The following BRSK1 variants were observed in gnomAD, a reference collection of about 807,000 sequenced individuals.
BRSK1 encodes the protein serine/threonine-protein kinase BRSK1.
BRSK1 carries 17 observed loss-of-function variants against 86.2 expected under a neutral mutation model. The observed-to-expected ratio is 0.20, with a 90% CI of 0.14 to 0.30. The LOEUF (loss-of-function observed/expected upper bound fraction) is 0.30. Ranked by LOEUF, BRSK1 falls within the 10% of genes least tolerant of loss-of-function variation. The probability of loss-of-function intolerance (pLI) is 1.00; values close to 1 mark genes in which losing one functional copy is unlikely to be tolerated. For synonymous variants in BRSK1, 464 were observed against 440.1 expected (o/e 1.05, Z -0.68); for missense variants, 719 against 1,071.9 (o/e 0.67, Z 4.60).
At chr19:55,293,223 C>T (rs908044278) in intron 4 of BRSK1, among the ~76,000 whole-genome samples, 1 of 151,906 alleles carries the variant, frequency 6.6e-6, no homozygotes, top group African/African-American at 2.4e-5. Context: ...AGGCCTGGCG[C>T]GGTGGCTCAT....
Position 55,302,293 on chromosome 19 carries a change from C to A in BRSK1, c.857+125C>A. ...AGAGGCAACGGGCTAGGGACTCGGACTTATGGGTCCTGGGGGAAGAGGACA... is the reference window on the plus strand; with the variant it reads ...AGAGGCAACGGGCTAGGGACTCGGAATTATGGGTCCTGGGGGAAGAGGACA... On this transcript the variant is annotated intron_variant, in intron 9 of 18. Transcript: ENST00000309383. The surrounding 1 kb of genome is among the most constrained non-coding windows in gnomAD (Gnocchi z 6.3). 2 of 1,088,954 alleles carry A rather than the reference C, an allele frequency of 1.8e-6. No individual in the cohort carries two copies. Among genetic ancestry groups the A allele is most frequent in the Non-Finnish European group, 2.8e-6 (2 of 705,604 alleles). The allele number at this position is 1,088,954 out of a possible 1,614,324, so 67.5% of individuals were successfully genotyped here.
In BRSK1 at chr19:55,303,839, G is replaced by T. The variant is rs939407926; in HGVS notation, c.1286+13G>T. Reference sequence around the variant, plus strand: ...AGCACAGCCAGAGGTGGGAGCCCCTGTCCCTCCAGGAGGATCCACAATCCC... The same window carrying T: ...AGCACAGCCAGAGGTGGGAGCCCCTTTCCCTCCAGGAGGATCCACAATCCC... On this transcript the variant is annotated intron_variant, in intron 12 of 18. Coordinates refer to ENST00000309383, the MANE Select transcript of BRSK1 (RefSeq NM_032430.2). This position sits in a 1 kb window ranked among gnomAD's most constrained non-coding sequence, Gnocchi z 5.1. The T allele has an allele frequency of 1.3e-6, 2 of 1,557,694 alleles. No homozygotes were observed. The highest frequency in any genetic ancestry group is 2.7e-5 in the African/African-American group (2 of 73,162).
Position 55,304,790 on chromosome 19 carries a change from C to A in BRSK1, c.1587C>A (p.Thr529=). 1.3e-6 allele frequency: 2 copies of A among 1,563,848 alleles called. No individual in the cohort carries two copies. Among genetic ancestry groups the A allele is most frequent in the Non-Finnish European group, 1.7e-6 (2 of 1,158,894 alleles). Residue 529 remains threonine, a synonymous_variant, in exon 14 of 19, where the codon ACC becomes ACA. Transcript: ENST00000309383. The surrounding 1 kb of genome is among the most constrained non-coding windows in gnomAD (Gnocchi z 5.2). ...TGCACACGCCCCGGGCCAGTCCCAC[C>A]GGGACCCCGGGGACAACACCACCCC... ...SPLHTPRASP[T]GTPGTTPPPS... is the part of the protein sequence containing the mutation.
At position 55,304,888 on chromosome 19, in the gene BRSK1, G is replaced by A; in HGVS notation, c.1685G>A (p.Gly562Asp). 6.2e-7 allele frequency: 1 copy of A among 1,609,318 alleles called. No homozygotes were observed. Reference protein sequence around the residue: ...RLNSIRNSFLGSPRFHRRKMQ... With the variant: ...RLNSIRNSFLDSPRFHRRKMQ... Reference sequence around the variant, plus strand: ...AACTCCATCCGCAACAGCTTCCTGGGCTCCCCTCGCTTTCACCGGCGCAAG... The same window carrying A: ...AACTCCATCCGCAACAGCTTCCTGGACTCCCCTCGCTTTCACCGGCGCAAG... Residue 562 changes from glycine to aspartate, a missense_variant, in exon 14 of 19, where the codon GGC becomes GAC. Physicochemically the swap from Gly to Asp is moderately conservative, Grantham distance 94 (BLOSUM62 -1). This residue lies in a region of BRSK1 where 180 missense variants were observed against 259.4 expected (regional missense o/e 0.69). Transcript: ENST00000309383. The surrounding 1 kb of genome is among the most constrained non-coding windows in gnomAD (Gnocchi z 5.2).
At chr19:55,305,097 C>A (rs778268441) in intron 14 of BRSK1, among the ~76,000 whole-genome samples, 177 bp downstream of exon 14, 7 of 152,058 alleles carry the variant, frequency 4.6e-5, no homozygotes, top group Non-Finnish European at 8.8e-5. Flanking sequence ...AGAGGTGGGG[C>A]CTCTAGCTCT....
chr19:55,287,377 G>T lies in BRSK1; in HGVS notation c.317+78G>T, dbSNP rs776545069. The T allele has an allele frequency of 5.7e-6, 8 of 1,393,000 alleles. No homozygotes were observed. Among genetic ancestry groups the T allele is most frequent in the Middle Eastern group, 1.8e-4 (1 of 5,658 alleles). The allele number at this position is 1,393,000 out of a possible 1,614,324, so 86.3% of individuals were successfully genotyped here. ...AGGGTGGGACTTCTCCAGAAACAGG[G>T]CCTAGGGGGACCTGGGGGACCTGCA... On this transcript the variant is annotated intron_variant, in intron 3 of 18. Transcript: ENST00000309383. The surrounding 1 kb of genome is among the most constrained non-coding windows in gnomAD (Gnocchi z 5.3).
Position 55,302,520 on chromosome 19 carries a change from T to A in BRSK1, c.858-177T>A, listed in dbSNP as rs2088587041. On this transcript the variant is annotated intron_variant, in intron 9 of 18. Coordinates refer to ENST00000309383, the MANE Select transcript of BRSK1 (RefSeq NM_032430.2). The surrounding 1 kb of genome is among the most constrained non-coding windows in gnomAD (Gnocchi z 6.3). ...GGTCGGAGGGAAAAGGGGCTGGAGGTCTGGACTCCTGGGTCTGAGATGGGG... is the reference window on the plus strand; with the variant it reads ...GGTCGGAGGGAAAAGGGGCTGGAGGACTGGACTCCTGGGTCTGAGATGGGG... 14 of 781,954 alleles carry A rather than the reference T, an allele frequency of 1.8e-5. No individual in the cohort carries two copies. In the South Asian group the frequency reaches 2.2e-4, roughly 12 times the overall value. The allele number at this position is 781,954 out of a possible 1,614,324, so 48.4% of individuals were successfully genotyped here. A position where few individuals can be genotyped will look rare whatever the true frequency, so the allele number is the denominator to read the frequency against.
chr19:55,307,816 C>T (rs1409954762), intron 17 of BRSK1, among the ~76,000 whole-genome samples: 1 of 145,404 alleles, frequency 6.9e-6, no homozygotes, highest in Non-Finnish European at 1.5e-5. Context: ...AAGCCCAGCA[C>T]GGTGGCATGC....
chr19:55,291,905 C>T (rs2088412277), intron 4 of BRSK1, among the ~76,000 whole-genome samples: 1 of 152,126 alleles, frequency 6.6e-6, no homozygotes, highest in Non-Finnish European at 1.5e-5. Context: ...ACTACAGGCA[C>T]CCGCCACCAT....
intron 7 of BRSK1, among the ~76,000 whole-genome samples, chr19:55,298,113 C>T (rs1162514519): frequency 6.6e-6 from 1 of 152,010 alleles, no homozygotes; most frequent in Non-Finnish European, 1.5e-5. Context: ...CTTCCCCCAG[C>T]CCACTGTGAG....
At position 55,284,086 on chromosome 19, in the gene BRSK1, G is replaced by T. The variant is rs1245630738; in HGVS notation, c.-357G>T. On this transcript the variant is annotated 5_prime_UTR_variant, in exon 1 of 19. Coordinates refer to ENST00000309383, the MANE Select transcript of BRSK1 (RefSeq NM_032430.2). The stretch of plus-strand genomic sequence containing the variant: ...GAGGCGGAGGAGAGAGGGCGCGTGG[G>T]GGGGCGGGGGGGACCTCGGCCTGCA... The T allele has an allele frequency of 3.9e-6, 3 of 770,306 alleles. No individual in the cohort carries two copies. Among genetic ancestry groups the T allele is most frequent in the South Asian group, 6.4e-5 (1 of 15,608 alleles). The allele number at this position is 770,306 out of a possible 1,614,324, so 47.7% of individuals were successfully genotyped here.
chr19:55,304,176 G>A lies in BRSK1; in HGVS notation c.1347+66G>A, dbSNP rs1398288051. The stretch of plus-strand genomic sequence containing the variant: ...GGTGGAGACATGGAGCAAAGATTGA[G>A]TAGCAGAAACTACAATTCCTGTGCA... On this transcript the variant is annotated intron_variant, in intron 13 of 18. Coordinates refer to ENST00000309383, the MANE Select transcript of BRSK1 (RefSeq NM_032430.2). This position sits in a 1 kb window ranked among gnomAD's most constrained non-coding sequence, Gnocchi z 5.2. 6.8e-7 allele frequency: 1 copy of A among 1,477,912 alleles called. No homozygotes were observed. The highest frequency in any genetic ancestry group is 9.3e-7 in the Non-Finnish European group (1 of 1,080,004). The allele number at this position is 1,477,912 out of a possible 1,614,324, so 91.5% of individuals were successfully genotyped here. A position where few individuals can be genotyped will look rare whatever the true frequency, so the allele number is the denominator to read the frequency against.
intron 4 of BRSK1, among the ~76,000 whole-genome samples, chr19:55,290,373 T>C (rs916870383): frequency 2.6e-5 from 4 of 152,196 alleles, no homozygotes; most frequent in African/African-American, 7.2e-5. Flanking sequence ...CAATTTTTTA[T>C]TCTAGGAACA....
Position 55,312,072 on chromosome 19 carries a change from C to A in BRSK1, c.*4C>A, listed in dbSNP as rs1319682553. ...CAACGGGACCCCTCTGCCCTGACCC[C>A]ACGGGGCCGGGGAGGGAGGGGACCC... On this transcript the variant is annotated 3_prime_UTR_variant, in exon 19 of 19. Transcript: ENST00000309383. 6.4e-6 allele frequency: 9 copies of A among 1,416,224 alleles called. No homozygotes were observed. Among genetic ancestry groups the A allele is most frequent in the Non-Finnish European group, 7.4e-6 (8 of 1,081,300 alleles). 87.7% of individuals were successfully genotyped at this position (1,416,224 alleles called of 1,614,324 possible). A position where few individuals can be genotyped will look rare whatever the true frequency, so the allele number is the denominator to read the frequency against.
chr19:55,304,018 A>ATT lies in BRSK1; in HGVS notation c.1287-21_1287-20dup, dbSNP rs5828618. On this transcript the variant is annotated intron_variant, in intron 12 of 18. Coordinates refer to ENST00000309383, the MANE Select transcript of BRSK1 (RefSeq NM_032430.2). This position sits in a 1 kb window ranked among gnomAD's most constrained non-coding sequence, Gnocchi z 5.2. ...GTGGTTTTTGAAACCCTCCCATCTG[A>ATT]TTTTTTTTTTTTAAATCTATCCTGG... 5.0e-4 allele frequency: 616 copies of ATT among 1,228,018 alleles called. No individual in the cohort carries two copies. The African/African-American group carries it at 5.6e-3, about 11-fold the overall frequency. 76.1% of individuals were successfully genotyped at this position (1,228,018 alleles called of 1,614,324 possible). A position where few individuals can be genotyped will look rare whatever the true frequency, so the allele number is the denominator to read the frequency against.
intron 7 of BRSK1, 52 bp from the exon 8 acceptor site, chr19:55,301,460 T>C: frequency 2.5e-6 from 4 of 1,585,046 alleles, no homozygotes; most frequent in Non-Finnish European, 2.6e-6. Flanking sequence ...CTCCAGTGCT[T>C]GTGGTGAGGG....
rs762075767 is a variant in BRSK1, at chr19:55,304,940, C to A, written c.1717+20C>A. 6 of 1,602,868 alleles carry A rather than the reference C, an allele frequency of 3.7e-6. No homozygotes were observed. The African/African-American group carries it at 4.0e-5, about 11-fold the overall frequency. On this transcript the variant is annotated intron_variant, in intron 14 of 18. Coordinates refer to ENST00000309383, the MANE Select transcript of BRSK1 (RefSeq NM_032430.2). This position sits in a 1 kb window ranked among gnomAD's most constrained non-coding sequence, Gnocchi z 5.2. Reference sequence around the variant, plus strand: ...TGCAGGGTATGGGGGCATGAACTGCCGAGTCCTAATGTGGGGAGAGGTTGG... The same window carrying A: ...TGCAGGGTATGGGGGCATGAACTGCAGAGTCCTAATGTGGGGAGAGGTTGG...
In BRSK1 at chr19:55,285,113, C is replaced by T. The variant is rs77820003; in HGVS notation, c.136+535C>T. 8.7e-3 allele frequency among the ~76,000 whole-genome samples: 938 copies of T among 108,418 alleles called. 5 individuals are homozygous for T. The highest frequency in any genetic ancestry group is 0.014 in the Non-Finnish European group (730 of 53,496). The allele number at this position is 108,418 out of a possible 152,430, so 71.1% of individuals were successfully genotyped here. A position where few individuals can be genotyped will look rare whatever the true frequency, so the allele number is the denominator to read the frequency against. On this transcript the variant is annotated intron_variant, in intron 1 of 18. Coordinates refer to ENST00000309383, the MANE Select transcript of BRSK1 (RefSeq NM_032430.2). ...TTTGGGTTTGAGGGAGGAGGGACTG[C>T]GGTCCTGGACTTTCAGGTCTGAGGG...
At chr19:55,308,260 A>G (rs1600194461) in intron 17 of BRSK1, among the ~76,000 whole-genome samples, 1 of 111,468 alleles carries the variant, frequency 9.0e-6, no homozygotes, top group Non-Finnish European at 1.7e-5. Flanking sequence ...AGCAACCTCA[A>G]GTGATCTGCC....
Sources: allele counts gnomAD v4.1 joint callset (sites outside exome capture counted in the v4.1 genomes callset), GRCh38; gene constraint gnomAD v4.1.1; regional missense constraint gnomAD v4.1.1; non-coding constraint Gnocchi (gnomAD v3.1); transcripts MANE v1.5; gene names NCBI Gene and HGNC (gene_info 2026-07-23, HGNC 2026-07-21).